The following PADI6 variants were observed in gnomAD, a reference collection of about 807,000 sequenced individuals.
PADI6 encodes inactive protein-arginine deiminase type-6.
PADI6 carries 66 observed loss-of-function variants against 78.2 expected under a neutral mutation model. That is an observed-to-expected ratio of 0.84 (90% CI 0.69 to 1.04). PADI6 has a LOEUF of 1.04. Among genes scored for constraint, PADI6 ranks in the 50% least tolerant of loss-of-function variants. The pLI, the probability that PADI6 is intolerant of heterozygous loss-of-function variation, is 0.00. For synonymous variants in PADI6, 397 were observed against 346.9 expected, an observed-to-expected ratio of 1.14 and a Z score of -1.60; for missense variants, 854 against 866.1, an observed-to-expected ratio of 0.99 and a Z score of 0.18.
rs1355037409 is a variant in PADI6, at chr1:17,375,413, T to C, written c.295-14T>C. 1 of 1,608,160 alleles carries C rather than the reference T, an allele frequency of 6.2e-7. No individual in the cohort carries two copies. Among genetic ancestry groups the C allele is most frequent in the African/African-American group, 1.3e-5 (1 of 74,818 alleles). On this transcript the variant is annotated splice_polypyrimidine_tract_variant and intron_variant, in intron 2 of 15. Coordinates refer to ENST00000619609, the MANE Select transcript of PADI6 (RefSeq NM_207421.4). Reference sequence around the variant, plus strand: ...TCCAACACTGCCTATGGTTTCGGGATGCTGTCTCCACAGGTCTCGGTCACA... The same window carrying C: ...TCCAACACTGCCTATGGTTTCGGGACGCTGTCTCCACAGGTCTCGGTCACA...
At chr1:17,392,064 G>A (rs2075190305) in intron 8 of PADI6, 50 bp from the exon 9 acceptor site, 3 of 1,475,062 alleles carry the variant, frequency 2.0e-6, no homozygotes, top group Non-Finnish European at 1.9e-6. Context: ...GTCATAACCA[G>A]TAAGGGACCT....
In PADI6 at chr1:17,401,394, C is replaced by T. The variant is rs370843430; in HGVS notation, c.2041C>T (p.Arg681Cys). ...AGACATCTGTGCCTGTGCCAACATC[C>T]GCCGGGTGCCCTTTGCCTTCAAATG... ...VGDICACANI[R>C]RVPFAFKWWK... Residue 681 changes from arginine (R) to cysteine (C), a missense_variant, in exon 16 of 16, where the codon CGC (arginine) becomes TGC (cysteine). Coordinates refer to ENST00000619609, the MANE Select transcript of PADI6 (RefSeq NM_207421.4). 1.9e-5 allele frequency: 31 copies of T among 1,613,938 alleles called. No individual in the cohort carries two copies. Among genetic ancestry groups the T allele is most frequent in the Middle Eastern group, 3.3e-4 (2 of 6,084 alleles).
intron 6 of PADI6, among the ~76,000 whole-genome samples, chr1:17,383,825 CA>C (rs968115067): frequency 6.6e-6 from 1 of 151,342 alleles, no homozygotes. Flanking sequence ...GAGTGAGACT[CA>C]AAAAAATAAT....
At chr1:17,400,674 T>A (rs547082062) in intron 15 of PADI6, among the ~76,000 whole-genome samples, 7 of 152,308 alleles carry the variant, frequency 4.6e-5, no homozygotes, top group Admixed American at 4.6e-4. Flanking sequence ...ACCCCTTATA[T>A]AGGTGTGTAA....
intron 5 of PADI6, 100 bp from the exon 6 acceptor site, chr1:17,381,867 G>A: frequency 7.2e-7 from 1 of 1,393,668 alleles, no homozygotes; most frequent in South Asian, 1.2e-5. Context: ...GGTCCTTGGT[G>A]CTCTGTTCAA....
chr1:17,394,046 C>G lies in PADI6; in HGVS notation c.1146C>G (p.Ala382=). Residue 382 remains alanine, a synonymous_variant, in exon 10 of 16, where the codon GCC becomes GCG. Coordinates refer to ENST00000619609, the MANE Select transcript of PADI6 (RefSeq NM_207421.4). The part of the protein sequence containing the change: ...TTSLILDTPQ[A]ADLDEFPMKY... ...CCTTGATCCTCGACACACCTCAGGC[C>G]GCCGATCTCGATGAGTTCCCCATGA... The G allele has an allele frequency of 6.2e-7, 1 of 1,613,906 alleles. No individual in the cohort carries two copies. Among genetic ancestry groups the G allele is most frequent in the Admixed American group, 1.7e-5 (1 of 60,002 alleles).
intron 6 of PADI6, among the ~76,000 whole-genome samples, chr1:17,387,340 G>A (rs1438705212): frequency 1.3e-5 from 2 of 151,998 alleles, no homozygotes; most frequent in Non-Finnish European, 2.9e-5. Flanking sequence ...AGCTACTCAG[G>A]AAGCTGAGGT....
Position 17,373,158 on chromosome 1 carries a change from C to G in PADI6, c.219C>G (p.Ile73Met). 1 of 1,613,970 alleles carries G rather than the reference C, an allele frequency of 6.2e-7. No homozygotes were observed. The highest frequency in any genetic ancestry group is 2.2e-5 in the East Asian group (1 of 44,878). Residue 73 changes from isoleucine to methionine, a missense_variant, in exon 2 of 16, where the codon ATC becomes ATG. Ile to Met is a conservative substitution (Grantham distance 10, BLOSUM62 1). Transcript: ENST00000619609. ...TTTCTGAGAAGGAGGACGCCACCAT[C>G]TGGTGGCCCCTGTCTGATCCCACGT... ...TVISEKEDATIWWPLSDPTYA... is the reference protein window; with the variant it reads ...TVISEKEDATMWWPLSDPTYA...
Position 17,379,913 on chromosome 1 carries a change from G to A in PADI6, c.368-7G>A, listed in dbSNP as rs372144358. On this transcript the variant is annotated splice_region_variant and splice_polypyrimidine_tract_variant and intron_variant, in intron 3 of 15. Coordinates refer to ENST00000619609, the MANE Select transcript of PADI6 (RefSeq NM_207421.4). Reference sequence around the variant, plus strand: ...GGTGGCTGGGACACCCTTTTCTTCTGTTTCAGAGGTCTCTCTAGAGGTAGA... The same window carrying A: ...GGTGGCTGGGACACCCTTTTCTTCTATTTCAGAGGTCTCTCTAGAGGTAGA... 3.3e-5 allele frequency: 53 copies of A among 1,612,916 alleles called. No homozygotes were observed. Among genetic ancestry groups the A allele is most frequent in the Middle Eastern group, 3.3e-4 (2 of 6,078 alleles).
At chr1:17,383,745 CAGG>C (rs2075094406) in intron 6 of PADI6, among the ~76,000 whole-genome samples, 1 of 151,994 alleles carries the variant, frequency 6.6e-6, no homozygotes, top group African/African-American at 2.4e-5. Context: ...GAGGCTGAGG[CAGG>C]AGAATTGCTT....
intron 14 of PADI6, 36 bp from the exon 15 acceptor site, chr1:17,398,650 C>CT: frequency 9.7e-6 from 1 of 102,578 alleles, no homozygotes; most frequent in Non-Finnish European, 1.9e-5. Context: ...CTCCTTGCTC[C>CT]CCCGCCCCCC....
chr1:17,373,568 T>A (rs981260046), intron 2 of PADI6, among the ~76,000 whole-genome samples: 1 of 151,998 alleles, frequency 6.6e-6, no homozygotes, highest in African/African-American at 2.4e-5. Context: ...CTCAGCTCAC[T>A]GCAACCTCCA....
chr1:17,374,087 A>G (rs1441471162), intron 2 of PADI6, among the ~76,000 whole-genome samples: 1 of 152,032 alleles, frequency 6.6e-6, no homozygotes. Context: ...TGAGGTACCA[A>G]TGGAACCTCA....
intron 12 of PADI6, 40 bp from the exon 13 acceptor site, chr1:17,395,500 G>C (rs1334703955): frequency 6.5e-7 from 1 of 1,544,992 alleles, no homozygotes. Context: ...ACCATGTCCA[G>C]CTGAGAAAGC....
intron 8 of PADI6, among the ~76,000 whole-genome samples, chr1:17,391,182 C>A (rs2075179358): frequency 2.6e-5 from 4 of 151,582 alleles, no homozygotes; most frequent in African/African-American, 7.3e-5. Context: ...TGACCTCCAA[C>A]TTTTGAGGAC....
At chr1:17,375,592 C>A in intron 3 of PADI6, 93 bp downstream of exon 3, 1 of 1,193,842 alleles carries the variant, frequency 8.4e-7, no homozygotes, top group Non-Finnish European at 1.2e-6. Context: ...AAAGATTCTC[C>A]AGGTAACAAG....
chr1:17,398,179 TGCCCC>T (rs561374097), intron 14 of PADI6, among the ~76,000 whole-genome samples: 6 of 152,204 alleles, frequency 3.9e-5, no homozygotes, highest in Non-Finnish European at 8.8e-5. Flanking sequence ...GAATGTTCTA[TGCCCC>T]GCACAGTGCA....
intron 14 of PADI6, among the ~76,000 whole-genome samples, chr1:17,397,418 C>T (rs916254819): frequency 6.6e-6 from 1 of 152,114 alleles, no homozygotes; most frequent in Admixed American, 6.6e-5. Flanking sequence ...AAGTGGGTAA[C>T]ACAGCTTTCT....
intron 3 of PADI6, among the ~76,000 whole-genome samples, chr1:17,379,261 C>T (rs1042669000): frequency 6.7e-6 from 1 of 149,208 alleles, no homozygotes; most frequent in African/African-American, 2.6e-5. Flanking sequence ...CTACAGGCGC[C>T]CGCCACCTCG....
Sources: gnomAD v4.1 joint callset for allele counts (sites outside exome capture counted in the v4.1 genomes callset) on GRCh38, gnomAD v4.1.1 for gene constraint, MANE v1.5 for transcripts, NCBI Gene and HGNC (gene_info 2026-07-23, HGNC 2026-07-21) for gene names.